The following NAALADL2 variants were observed in gnomAD, a reference collection of about 807,000 sequenced individuals.
NAALADL2 encodes N-acetylated alpha-linked acidic dipeptidase like 2, also known as inactive N-acetylated-alpha-linked acidic dipeptidase-like protein 2.
NAALADL2 carries 76 observed loss-of-function variants against 87.2 expected under a neutral mutation model. The ratio of observed to expected loss-of-function variants is 0.87; its 90% CI spans 0.72 to 1.05. NAALADL2 has a LOEUF of 1.05. Among genes scored for constraint, NAALADL2 ranks in the 50% least tolerant of loss-of-function variants. NAALADL2 has a pLI of 0.00. For synonymous variants in NAALADL2, 354 were observed against 331.0 expected, an observed-to-expected ratio of 1.07 and a Z score of -0.75; for missense variants, 1,089 against 945.8, an observed-to-expected ratio of 1.15 and a Z score of -1.99.
chr3:175,443,808 A>T (rs1469722186), intron 5 of NAALADL2, among the ~76,000 whole-genome samples: 1 of 151,948 alleles, frequency 6.6e-6, no homozygotes, highest in East Asian at 1.9e-4. Context: ...GGGAACAAAC[A>T]GTGATTTTAC....
chr3:174,975,052 T>A (rs1238366956), intron 1 of NAALADL2, among the ~76,000 whole-genome samples: 2 of 152,174 alleles, frequency 1.3e-5, no homozygotes, highest in African/African-American at 4.8e-5. Context: ...TATTTGCCAG[T>A]TTCTTTCAGA....
At chr3:175,739,301 C>A (rs570914692) in intron 12 of NAALADL2, among the ~76,000 whole-genome samples, 157 of 152,224 alleles carry the variant, frequency 1.0e-3, no homozygotes, top group Non-Finnish European at 2.0e-3. Flanking sequence ...TGTGACGATT[C>A]GGTTGTCAGG....
At chr3:175,249,343 A>G (rs114468313) in intron 3 of NAALADL2, among the ~76,000 whole-genome samples, 1,611 of 152,228 alleles carry the variant, frequency 0.011, 27 homozygotes, top group African/African-American at 0.038. Flanking sequence ...AGGATTATCC[A>G]TATTAGAGAA....
intron 2 of NAALADL2, among the ~76,000 whole-genome samples, chr3:175,174,065 A>G (rs914164235): frequency 1.3e-5 from 2 of 152,114 alleles, no homozygotes; most frequent in Non-Finnish European, 2.9e-5. Context: ...AAAACTTAGA[A>G]CATAAATTTT....
At chr3:174,582,498 T>G (rs1015133539) in intron 2 of NAALADL2, among the ~76,000 whole-genome samples, 1 of 152,242 alleles carries the variant, frequency 6.6e-6, no homozygotes, top group African/African-American at 2.4e-5. Context: ...TCTTATTGGA[T>G]AATATAGAAA....
chr3:175,233,044 G>T (rs1388051341), intron 2 of NAALADL2, among the ~76,000 whole-genome samples: 1 of 152,064 alleles, frequency 6.6e-6, no homozygotes, highest in Non-Finnish European at 1.5e-5. Context: ...TATGGGATAG[G>T]TATAGAAATA....
chr3:175,507,658 A>G (rs1175714206), intron 9 of NAALADL2, among the ~76,000 whole-genome samples: 1 of 152,072 alleles, frequency 6.6e-6, no homozygotes, highest in Non-Finnish European at 1.5e-5. Context: ...TCCTGACCTC[A>G]GGTGATCTGC....
At position 175,258,833 on chromosome 3, in the gene NAALADL2, A is replaced by G. The variant is rs558455769; in HGVS notation, c.939+2303A>G. On this transcript the variant is annotated intron_variant, in intron 4 of 13. Coordinates refer to ENST00000454872, the MANE Select transcript of NAALADL2 (RefSeq NM_207015.3). ...TGGGTTTACTAAGCATTTAATAAAT[A>G]AATACAAAAATAAATTATCTGTGTT... is the stretch of plus-strand genomic sequence containing the variant. Among the ~76,000 whole-genome samples, 57 of 152,314 alleles carry G rather than the reference A, an allele frequency of 3.7e-4. No individual in the cohort carries two copies. The South Asian group carries it at 0.012, about 31-fold the overall frequency.
Position 174,873,199 on chromosome 3 carries a change from G to GTCTC in NAALADL2, c.43+13765_43+13768dup, listed in dbSNP as rs3884084. 5.9e-3 allele frequency among the ~76,000 whole-genome samples: 871 copies of GTCTC among 148,542 alleles called. 9 individuals carry two copies. The highest frequency in any genetic ancestry group is 0.019 in the African/African-American group (761 of 40,462). On this transcript the variant is annotated intron_variant, in intron 1 of 13. Transcript: ENST00000454872. ...AAACTAAAACTCACTCTCTCTGTCT[G>GTCTC]TCTCTCTCTCTCTCTCTCTGTGTAC...
chr3:175,471,696 A>G lies in NAALADL2; in HGVS notation c.1591A>G (p.Ile531Val). Residue 531 changes from isoleucine (I) to valine (V), a missense_variant, in exon 9 of 14, where the codon ATA becomes GTA. Transcript: ENST00000454872. ...GGCTTATATTAGCCTCCACAGTCCC[A>G]TAAGGGGGAACTCTAGTCTGTATCC... ...VVAYISLHSPIRGNSSLYPVA... is the reference protein window; with the variant it reads ...VVAYISLHSPVRGNSSLYPVA... The G allele has an allele frequency of 1.3e-6, 2 of 1,599,684 alleles. No individual in the cohort carries two copies. Among genetic ancestry groups the G allele is most frequent in the Non-Finnish European group, 1.7e-6 (2 of 1,168,954 alleles).
chr3:175,139,584 C>T (rs1406843441), intron 2 of NAALADL2, among the ~76,000 whole-genome samples: 1 of 151,996 alleles, frequency 6.6e-6, no homozygotes, highest in African/African-American at 2.4e-5. Flanking sequence ...GTATCACCTT[C>T]TTATATTTTA....
At chr3:174,673,598 C>G (rs867873997) in intron 2 of NAALADL2, among the ~76,000 whole-genome samples, 1 of 144,226 alleles carries the variant, frequency 6.9e-6, no homozygotes, top group Non-Finnish European at 1.5e-5. Flanking sequence ...AAAAGCGGAT[C>G]TCATGGAGGT....
chr3:174,969,501 A>G (rs911360066), intron 1 of NAALADL2, among the ~76,000 whole-genome samples: 4 of 152,236 alleles, frequency 2.6e-5, no homozygotes, highest in Non-Finnish European at 5.9e-5. Context: ...TTGTGAATTA[A>G]TTCATGAACT....
intron 1 of NAALADL2, among the ~76,000 whole-genome samples, chr3:174,969,942 TATGTC>T (rs1334550922): frequency 6.6e-6 from 1 of 152,078 alleles, no homozygotes; most frequent in Non-Finnish European, 1.5e-5. Flanking sequence ...GTAAGAAAAA[TATGTC>T]ATGTGTCTTG....
intron 1 of NAALADL2, among the ~76,000 whole-genome samples, chr3:174,520,408 G>A (rs761629118): frequency 2.0e-5 from 3 of 152,130 alleles, no homozygotes; most frequent in African/African-American, 4.8e-5. Context: ...ATAAAGCCAT[G>A]TGCCTGCAAC....
chr3:175,207,923 G>C (rs1434254154), intron 2 of NAALADL2, among the ~76,000 whole-genome samples: 1 of 152,060 alleles, frequency 6.6e-6, no homozygotes, highest in Non-Finnish European at 1.5e-5. Flanking sequence ...TGAAACCATA[G>C]AATCAATGAC....
chr3:174,520,204 G>GA, intron 1 of NAALADL2, among the ~76,000 whole-genome samples: 1 of 152,184 alleles, frequency 6.6e-6, no homozygotes, highest in Non-Finnish European at 1.5e-5. Flanking sequence ...CACAGAATTA[G>GA]AAAAAACAAT....
intron 4 of NAALADL2, among the ~76,000 whole-genome samples, chr3:175,285,492 A>G (rs895806414): frequency 1.3e-5 from 2 of 152,166 alleles, no homozygotes; most frequent in African/African-American, 4.8e-5. Context: ...CTCTTCCAAG[A>G]TGAAGAAGTA....
Position 175,578,118 on chromosome 3 carries a change from T to C in NAALADL2, c.1800+1931T>C, listed in dbSNP as rs149815857. On this transcript the variant is annotated intron_variant, in intron 10 of 13. Coordinates refer to ENST00000454872, the MANE Select transcript of NAALADL2 (RefSeq NM_207015.3). ...TGGGCTTCTGCTTTTTTTTAAAAAATCCGTATCTTATTAAAAACAAAATAA... is the reference window on the plus strand; with the variant it reads ...TGGGCTTCTGCTTTTTTTTAAAAAACCCGTATCTTATTAAAAACAAAATAA... 6.0e-3 allele frequency among the ~76,000 whole-genome samples: 911 copies of C among 152,148 alleles called. 7 individuals are homozygous for C. The highest frequency in any genetic ancestry group is 0.021 in the African/African-American group (873 of 41,492).
Sources: allele counts gnomAD v4.1 joint callset (sites outside exome capture counted in the v4.1 genomes callset), GRCh38; gene constraint gnomAD v4.1.1; transcripts MANE v1.5; gene names NCBI Gene and HGNC (gene_info 2026-07-23, HGNC 2026-07-21).